Variants in CADPS observed in about 807,000 individuals in gnomAD.
CADPS encodes calcium-dependent secretion activator 1.
Under a neutral mutation model 167.3 loss-of-function variants are expected in CADPS, and 57 were observed. The observed-to-expected ratio is 0.34, with a 90% CI of 0.28 to 0.42. CADPS has a LOEUF of 0.42. CADPS is among the 20% of genes least tolerant of loss of function. The pLI is 1.00. For synonymous variants in CADPS, 676 were observed against 635.3 expected (o/e 1.06, Z -0.96); for missense variants, 1,414 against 1,738.1 (o/e 0.81, Z 3.32).
chr3:62,560,764 G>GTAAAA (rs2079010756), intron 9 of CADPS, among the ~76,000 whole-genome samples: 1 of 152,150 alleles, frequency 6.6e-6, no homozygotes, highest in Non-Finnish European at 1.5e-5. Context: ...ACTACAGAAT[G>GTAAAA]CTTTGAAGTA....
chr3:62,551,193 T>C (rs2152272998), intron 10 of CADPS, among the ~76,000 whole-genome samples: 1 of 152,286 alleles, frequency 6.6e-6, no homozygotes, highest in East Asian at 1.9e-4. Context: ...CCCAAGCTTG[T>C]GAAACCCAAC....
chr3:62,701,765 G>A (rs2081441905), intron 3 of CADPS, among the ~76,000 whole-genome samples: 1 of 152,088 alleles, frequency 6.6e-6, no homozygotes, highest in South Asian at 2.1e-4. Context: ...CTATGAACCA[G>A]GTAGAGCCTT....
At chr3:62,822,844 A>C (rs2073253240) in intron 1 of CADPS, among the ~76,000 whole-genome samples, 2 of 151,898 alleles carry the variant, frequency 1.3e-5, no homozygotes, top group African/African-American at 4.8e-5. Flanking sequence ...TCCATCTCAA[A>C]AAAATAAAAA....
intron 4 of CADPS, among the ~76,000 whole-genome samples, chr3:62,657,605 C>G (rs1428463298): frequency 6.6e-6 from 1 of 152,142 alleles, no homozygotes; most frequent in Non-Finnish European, 1.5e-5. Flanking sequence ...GTCTTTTCTA[C>G]CAGATTTTAA....
chr3:62,447,496 T>C (rs2057393519), intron 26 of CADPS, among the ~76,000 whole-genome samples: 1 of 152,192 alleles, frequency 6.6e-6, no homozygotes, highest in Non-Finnish European at 1.5e-5. Flanking sequence ...GAGCAAAGGC[T>C]ATCTTGGTCT....
intron 25 of CADPS, among the ~76,000 whole-genome samples, chr3:62,466,025 C>T (rs1001456440): frequency 6.6e-6 from 1 of 152,108 alleles, no homozygotes; most frequent in South Asian, 2.1e-4. Context: ...TCCTTATTAC[C>T]GTTTAACTTT....
chr3:62,597,316 C>T (rs2059073761), intron 6 of CADPS, among the ~76,000 whole-genome samples: 1 of 152,088 alleles, frequency 6.6e-6, no homozygotes, highest in Non-Finnish European at 1.5e-5. Flanking sequence ...CACTGTACTC[C>T]AGCTTGGGTG....
At chr3:62,842,216 G>A (rs1021145513) in intron 1 of CADPS, among the ~76,000 whole-genome samples, 3 of 152,142 alleles carry the variant, frequency 2.0e-5, no homozygotes, top group African/African-American at 4.8e-5. Flanking sequence ...AACGCTTTAC[G>A]TATATTATCT....
chr3:62,418,937 T>A (rs1252684710), intron 28 of CADPS, among the ~76,000 whole-genome samples: 1 of 152,096 alleles, frequency 6.6e-6, no homozygotes, highest in Non-Finnish European at 1.5e-5. Context: ...AAACCCTGAA[T>A]GAAAAATGGA....
chr3:62,827,955 T>C (rs1320292789), intron 1 of CADPS, among the ~76,000 whole-genome samples: 1 of 152,148 alleles, frequency 6.6e-6, no homozygotes, highest in Admixed American at 6.6e-5. Flanking sequence ...ATTTTACAAA[T>C]AAGGAAAATG....
Position 62,489,579 on chromosome 3 carries a change from G to A in CADPS, c.3026+1760C>T, listed in dbSNP as rs949300830. ...TTTTTAAAACTTCAGTTTTGCAGGG[G>A]AGCAAACAAGTTCATAGAGGTTTGA... On this transcript the variant is annotated intron_variant, in intron 21 of 29. Transcript: ENST00000383710. Among the ~76,000 whole-genome samples the A allele has an allele frequency of 5.4e-4, 83 of 152,298 alleles. 1 individual carries two copies. The highest frequency in any genetic ancestry group is 1.9e-3 in the African/African-American group (80 of 41,582).
intron 1 of CADPS, among the ~76,000 whole-genome samples, chr3:62,805,815 A>C (rs1197873452): frequency 1.3e-5 from 2 of 152,072 alleles, no homozygotes; most frequent in East Asian, 3.9e-4. Context: ...GGGTGGGAAG[A>C]GAGAGAGGTT....
intron 6 of CADPS, among the ~76,000 whole-genome samples, chr3:62,628,054 G>A (rs2064459052): frequency 2.6e-5 from 4 of 152,168 alleles, no homozygotes; most frequent in Admixed American, 2.6e-4. Flanking sequence ...GGGTGAAGTA[G>A]AGTGTTCCTC....
chr3:62,725,447 A>G (rs1187345269), intron 3 of CADPS, among the ~76,000 whole-genome samples: 1 of 152,218 alleles, frequency 6.6e-6, no homozygotes, highest in Non-Finnish European at 1.5e-5. Flanking sequence ...GTTCAAAGGA[A>G]AAGTTAGTAT....
intron 3 of CADPS, among the ~76,000 whole-genome samples, chr3:62,680,510 C>G (rs578092736): frequency 2.6e-5 from 4 of 152,102 alleles, no homozygotes; most frequent in African/African-American, 7.2e-5. Flanking sequence ...CAAATGCTCT[C>G]CTGTCCTCCT....
intron 6 of CADPS, among the ~76,000 whole-genome samples, chr3:62,622,314 G>A (rs1046892379): frequency 6.6e-6 from 1 of 152,078 alleles, no homozygotes; most frequent in Non-Finnish European, 1.5e-5. Flanking sequence ...TACGATGTCC[G>A]GGGCTTGGTG....
In CADPS at chr3:62,446,327, C is replaced by T. The variant is rs1370407918; in HGVS notation, c.3637-530G>A. On this transcript the variant is annotated intron_variant, in intron 26 of 29. Coordinates refer to ENST00000383710, the MANE Select transcript of CADPS (RefSeq NM_003716.4). This position sits in a 1 kb window ranked among gnomAD's most constrained non-coding sequence, Gnocchi z 4.9. ...AGAACCTTTCAAAACTGCCCAAAGG[C>T]TGCCGTTATGTCTCCTGCTTTTACG... 2.0e-5 allele frequency among the ~76,000 whole-genome samples: 3 copies of T among 152,172 alleles called. No individual in the cohort carries two copies. Among genetic ancestry groups the T allele is most frequent in the Non-Finnish European group, 2.9e-5 (2 of 68,040 alleles).
intron 10 of CADPS, among the ~76,000 whole-genome samples, chr3:62,555,697 T>C (rs1324678752): frequency 6.6e-6 from 1 of 152,228 alleles, no homozygotes; most frequent in Non-Finnish European, 1.5e-5. Context: ...CCTTCTCATA[T>C]TGGCCCTTTA....
Position 62,550,127 on chromosome 3 carries a change from G to A in CADPS, c.1754-12C>T, listed in dbSNP as rs922657823. On this transcript the variant is annotated splice_polypyrimidine_tract_variant and intron_variant, in intron 10 of 29. Transcript: ENST00000383710. ...GCCACCCTCCAAACCTGGAAGAAAAGGGAGTAACAACTTCTACTAAGCTGA... is the reference window on the plus strand; with the variant it reads ...GCCACCCTCCAAACCTGGAAGAAAAAGGAGTAACAACTTCTACTAAGCTGA... 6.2e-7 allele frequency: 1 copy of A among 1,607,860 alleles called. No homozygotes were observed. Among genetic ancestry groups the A allele is most frequent in the East Asian group, 2.2e-5 (1 of 44,792 alleles).
Sources: allele counts gnomAD v4.1 joint callset (sites outside exome capture counted in the v4.1 genomes callset), GRCh38; gene constraint gnomAD v4.1.1; non-coding constraint Gnocchi (gnomAD v3.1); transcripts MANE v1.5; gene names NCBI Gene and HGNC (gene_info 2026-07-23, HGNC 2026-07-21).